TFAP2A: variants seen among roughly 807,000 people sequenced by gnomAD.
TFAP2A encodes transcription factor AP-2-alpha.
Under a neutral mutation model 41.5 loss-of-function variants are expected in TFAP2A, and 7 were observed. The observed-to-expected ratio is 0.17, with a 90% confidence interval of 0.10 to 0.32. The LOEUF is 0.32. Ranked by LOEUF, TFAP2A falls within the 10% of genes least tolerant of loss-of-function variation. The pLI is 1.00. For missense variants in TFAP2A, 416 were observed against 563.3 expected (o/e 0.74, Z 2.65); for synonymous variants, 247 against 242.8 (o/e 1.02, Z -0.16).
chr6:10,407,818 G>A (rs1757787691), intron 2 of TFAP2A: 1 of 152,172 alleles, frequency 6.6e-6, no homozygotes, highest in South Asian at 2.1e-4. Flanking sequence ...ATGATTCCGG[G>A]TGGATGGTAC....
At chr6:10,414,892 A>T (rs776310078) in intron 1 of TFAP2A, 49 bp downstream of exon 1, 1 of 1,611,420 alleles carries the variant, frequency 6.2e-7, no homozygotes, top group Non-Finnish European at 8.5e-7. Flanking sequence ...GGGAGGGTCA[A>T]GCTCGGAGCC....
chr6:10,406,153 C>T (rs1375981049), intron 3 of TFAP2A: 1 of 152,306 alleles, frequency 6.6e-6, no homozygotes, highest in African/African-American at 2.4e-5. Flanking sequence ...ATTCAGTAAA[C>T]TTTATTTCTA....
At chr6:10,418,384 G>T (rs567792217), upstream of TFAP2A, 14 of 152,316 alleles carry the variant, frequency 9.2e-5, no homozygotes, top group African/African-American at 2.9e-4. Flanking sequence ...TCAGATTTTT[G>T]GGGGGAAGTT....
intron 3 of TFAP2A, chr6:10,404,996 T>G: frequency 1.3e-5 from 7 of 556,560 alleles, no homozygotes; most frequent in Non-Finnish European, 1.3e-5. Context: ...CCTTGACCCT[T>G]TCCCCTTCGC....
intron 1 of TFAP2A, among the ~76,000 whole-genome samples, chr6:10,414,417 TA>T (rs1758152041): frequency 6.6e-6 from 1 of 151,000 alleles, no homozygotes; most frequent in Non-Finnish European, 1.5e-5. Context: ...GGGCCGTCTC[TA>T]AAGCCGAGAA....
chr6:10,398,270 C>A lies in TFAP2A; in HGVS notation c.*147G>T, dbSNP rs1052230470. ...GGCAGTCCCGGAGACTCGGGGGGAC[C>A]CAAGGGCAGCGGCGGCGGCGGCGGC... On this transcript the variant is annotated 3_prime_UTR_variant, in exon 7 of 7. Transcript: ENST00000379613. The surrounding 1 kb of genome is among the most constrained non-coding windows in gnomAD (Gnocchi z 5.3). 8.3e-6 allele frequency: 13 copies of A among 1,561,056 alleles called. No homozygotes were observed. In the Admixed American group the frequency reaches 2.1e-4, roughly 26 times the overall value.
At chr6:10,411,799 G>C in intron 1 of TFAP2A, 5 of 1,443,382 alleles carry the variant, frequency 3.5e-6, no homozygotes, top group Non-Finnish European at 4.6e-6. Flanking sequence ...CGATTCGCGC[G>C]GCGCCTTCAG....
rs528101301 is a variant in TFAP2A, at chr6:10,406,824, A to C, written c.507T>G (p.Ile169Met). 5.6e-6 allele frequency: 9 copies of C among 1,613,462 alleles called. No homozygotes were observed. The African/African-American group carries it at 8.0e-5, about 14-fold the overall frequency. Residue 169 changes from isoleucine to methionine, a missense_variant, in exon 3 of 7, where the codon ATT becomes ATG. Around this residue, in one of 3 missense-constraint regions of TFAP2A, gnomAD observed 241 missense variants for 274.1 expected, o/e 0.88. Coordinates refer to ENST00000379613, the MANE Select transcript of TFAP2A (RefSeq NM_001372066.1). ...EEVPHVEDPG[I>M]NIPDQTVIKK... The stretch of plus-strand genomic sequence containing the variant: ...TAATTACAGTTTGATCTGGGATGTT[A>C]ATACCCGGGTCTTCTACATGCTGCA...
rs1407693225 is a variant in TFAP2A, at chr6:10,397,937, G to C, written c.*480C>G. ...GGCTTTTTTTTTTTTTTTAAGTATG[G>C]CTACAATCTGAACTGAAGTATGTAA... On this transcript the variant is annotated 3_prime_UTR_variant, in exon 7 of 7. Transcript: ENST00000379613. 193 of 984,502 alleles carry C rather than the reference G, an allele frequency of 2.0e-4. No individual in the cohort carries two copies. Among genetic ancestry groups the C allele is most frequent in the Admixed American group, 3.0e-4 (5 of 16,604 alleles). The allele number at this position is 984,502 out of a possible 1,614,324, so 61.0% of individuals were successfully genotyped here.
At position 10,414,922 on chromosome 6, in the gene TFAP2A, G is replaced by A. The variant is rs1051306672; in HGVS notation, c.51+19C>T. ...GGAGCCTGTGACCGCACGGATGATC[G>A]AGCCGGCGTCGCGCTTACCTCGCAG... On this transcript the variant is annotated intron_variant, in intron 1 of 6. Transcript: ENST00000379613. The A allele has an allele frequency of 6.2e-7, 1 of 1,613,876 alleles. No homozygotes were observed. Among genetic ancestry groups the A allele is most frequent in the Non-Finnish European group, 8.5e-7 (1 of 1,179,898 alleles).
chr6:10,402,098 G>A lies in TFAP2A; in HGVS notation c.889+394C>T, dbSNP rs562317717. The A allele has an allele frequency of 1.9e-5, 7 of 363,036 alleles. No homozygotes were observed. The East Asian group carries it at 3.6e-4, about 19-fold the overall frequency. 22.5% of individuals were successfully genotyped at this position (363,036 alleles called of 1,614,324 possible). A position where few individuals can be genotyped will look rare whatever the true frequency, so the allele number is the denominator to read the frequency against. On this transcript the variant is annotated intron_variant, in intron 5 of 6. Transcript: ENST00000379613. ...TTTCAGGATGGTCTTAAATCAGGACGCAGGTCAAAGATTCCCAAATTAATT... is the reference window on the plus strand; with the variant it reads ...TTTCAGGATGGTCTTAAATCAGGACACAGGTCAAAGATTCCCAAATTAATT...
chr6:10,402,702 G>T, intron 4 of TFAP2A, 92 bp from the exon 5 acceptor site: 2 of 1,022,800 alleles, frequency 2.0e-6, no homozygotes, highest in Non-Finnish European at 3.0e-6. Context: ...CCTAAAATGT[G>T]CTTTCAAAAA....
intron 1 of TFAP2A, among the ~76,000 whole-genome samples, chr6:10,414,064 T>C (rs1358721931): frequency 6.6e-6 from 1 of 152,220 alleles, no homozygotes; most frequent in East Asian, 1.9e-4. Context: ...CAGGGGACTC[T>C]GCGTTTTAAA....
chr6:10,412,294 C>T (rs1561715818), intron 1 of TFAP2A: 1 of 985,464 alleles, frequency 1.0e-6, no homozygotes, highest in Non-Finnish European at 1.2e-6. Flanking sequence ...GGTTGCAGGG[C>T]ATGCAAAAGT....
At chr6:10,411,856 A>C (rs1053616709) in intron 1 of TFAP2A, 39 of 1,365,074 alleles carry the variant, frequency 2.9e-5, no homozygotes, top group Non-Finnish European at 3.5e-5. Context: ...GTTATGATTC[A>C]AAGTTCTTTA....
chr6:10,404,797 C>T (rs1355624070), intron 3 of TFAP2A, 58 bp from the exon 4 acceptor site: 9 of 1,512,422 alleles, frequency 6.0e-6, no homozygotes, highest in African/African-American at 1.4e-5. Context: ...CCAAATCCTG[C>T]CCGACCCCGG....
At chr6:10,414,626 CCAGTTGCCAG>C in intron 1 of TFAP2A, 1 of 538,338 alleles carries the variant, frequency 1.9e-6, no homozygotes, top group Non-Finnish European at 3.4e-6. Context: ...AGGCAAGTGC[CCAGTTGCCAG>C]CAATTGCTTC....
Position 10,415,014 on chromosome 6 carries a change from C to A in TFAP2A, c.-23G>T. ...CATGGATCGGCGTGAACGGATATGC[C>A]CCTCTCGGTCTCGCACCCAAGTGGA... On this transcript the variant is annotated 5_prime_UTR_variant, in exon 1 of 7. Coordinates refer to ENST00000379613, the MANE Select transcript of TFAP2A (RefSeq NM_001372066.1). The A allele has an allele frequency of 6.2e-7, 1 of 1,614,116 alleles. No homozygotes were observed. The highest frequency in any genetic ancestry group is 8.5e-7 in the Non-Finnish European group (1 of 1,180,032).
Position 10,398,175 on chromosome 6 carries a change from G to C in TFAP2A, c.*242C>G, listed in dbSNP as rs1761853612. ...CTTAGGCTCCACATGAGGGCACAGG[G>C]GTGTGGGAGCGGGTGGGGAGGTCGA... On this transcript the variant is annotated 3_prime_UTR_variant, in exon 7 of 7. Coordinates refer to ENST00000379613, the MANE Select transcript of TFAP2A (RefSeq NM_001372066.1). This position sits in a 1 kb window ranked among gnomAD's most constrained non-coding sequence, Gnocchi z 5.3. The C allele has an allele frequency of 1.5e-5, 21 of 1,441,534 alleles. No homozygotes were observed. The South Asian group carries it at 3.0e-4, about 21-fold the overall frequency. The allele number at this position is 1,441,534 out of a possible 1,614,324, so 89.3% of individuals were successfully genotyped here.
Sources: gnomAD v4.1 joint callset for allele counts (sites outside exome capture counted in the v4.1 genomes callset) on GRCh38, gnomAD v4.1.1 for gene constraint, gnomAD v4.1.1 regional missense constraint, Gnocchi (gnomAD v3.1) non-coding constraint, MANE v1.5 for transcripts, NCBI Gene and HGNC (gene_info 2026-07-23, HGNC 2026-07-21) for gene names.